Variants in PTGER3 observed in about 807,000 individuals in gnomAD.
PTGER3 encodes prostaglandin E receptor 3, also known as prostaglandin E2 receptor EP3 subtype.
A neutral mutation model predicts 34.7 loss-of-function variants in PTGER3; 22 were observed. The ratio of observed to expected loss-of-function variants is 0.63; its 90% CI spans 0.45 to 0.91. PTGER3 has a LOEUF of 0.91. PTGER3 is among the 40% of genes least tolerant of loss of function. The pLI, the probability that PTGER3 is intolerant of heterozygous loss-of-function variation, is 0.00. For missense variants in PTGER3, 468 were observed against 519.4 expected (o/e 0.90, Z 0.96); for synonymous variants, 241 against 230.1 (o/e 1.05, Z -0.43).
chr1:70,944,835 G>A (rs183988175), intron 4 of PTGER3, among the ~76,000 whole-genome samples: 173 of 152,198 alleles, frequency 1.1e-3, no homozygotes, highest in Non-Finnish European at 2.1e-3. Context: ...ATTTTCATCA[G>A]AGAAATTAGG....
At chr1:70,976,976 C>T (rs1653768141) in intron 2 of PTGER3, among the ~76,000 whole-genome samples, 1 of 152,146 alleles carries the variant, frequency 6.6e-6, no homozygotes, top group Non-Finnish European at 1.5e-5. Flanking sequence ...GATATCCAAT[C>T]TGCCAGCAAA....
intron 2 of PTGER3, among the ~76,000 whole-genome samples, chr1:70,983,416 G>T (rs1307808150): frequency 6.6e-6 from 1 of 152,036 alleles, no homozygotes. Flanking sequence ...CCTTGTTTCT[G>T]CTCTATGCCC....
At chr1:70,943,939 C>G (rs540955525) in intron 4 of PTGER3, among the ~76,000 whole-genome samples, 1 of 151,470 alleles carries the variant, frequency 6.6e-6, no homozygotes, top group East Asian at 1.9e-4. Context: ...TATGGCACTC[C>G]TTGCTCTTGG....
chr1:70,887,665 A>C (rs533215106), intron 4 of PTGER3, among the ~76,000 whole-genome samples: 1 of 152,164 alleles, frequency 6.6e-6, no homozygotes, highest in African/African-American at 2.4e-5. Context: ...TCTGTATATA[A>C]ATTTCAAATT....
intron 1 of PTGER3, among the ~76,000 whole-genome samples, chr1:71,027,994 T>C (rs1659084506): frequency 6.6e-6 from 1 of 152,196 alleles, no homozygotes; most frequent in Admixed American, 6.5e-5. Flanking sequence ...AGTGCTTTAT[T>C]CTTTTTGAGG....
At position 70,864,197 on chromosome 1, in the gene PTGER3, T is replaced by A. The variant is rs79058196; in HGVS notation, c.*24-11338A>T. Among the ~76,000 whole-genome samples, 497 of 152,242 alleles carry A rather than the reference T, an allele frequency of 3.3e-3. 16 individuals carry two copies. The East Asian group carries it at 0.077, about 24-fold the overall frequency. ...TAGCTATTTACTTCTAGTTTTTTTT[T>A]ATATTAGTCAAATTTTTTATCTAAG... On this transcript the variant is annotated intron_variant, in intron 4 of 4. Transcript: ENST00000370931.
intron 4 of PTGER3, among the ~76,000 whole-genome samples, chr1:70,866,698 C>T (rs1237158431): frequency 5.9e-5 from 9 of 152,164 alleles, no homozygotes; most frequent in Admixed American, 3.9e-4. Flanking sequence ...GATTTCTGGC[C>T]ATCAAACAGG....
At chr1:71,031,037 C>T (rs1659365888) in intron 1 of PTGER3, among the ~76,000 whole-genome samples, 1 of 152,068 alleles carries the variant, frequency 6.6e-6, no homozygotes, top group Non-Finnish European at 1.5e-5. Flanking sequence ...TTATTTGCAA[C>T]TGAAACATGG....
chr1:70,984,950 A>G (rs866393219), intron 2 of PTGER3, among the ~76,000 whole-genome samples: 2 of 152,174 alleles, frequency 1.3e-5, no homozygotes, highest in East Asian at 1.9e-4. Context: ...TGAATTGGTG[A>G]TAATATTGTC....
intron 4 of PTGER3, among the ~76,000 whole-genome samples, chr1:70,920,643 A>G (rs1647434434): frequency 6.6e-6 from 1 of 152,188 alleles, no homozygotes; most frequent in Non-Finnish European, 1.5e-5. Flanking sequence ...AAAGCTGGAG[A>G]TTGAGATTAT....
rs74686636 is a variant in PTGER3 at position 71,010,022 on chromosome 1, C to T, written c.1077+2283G>A. Reference sequence around the variant, plus strand: ...CCATTTACATAATTTCTTTGTTTTCCACCTCCCTTTCAAGCTTGTTAAAAA... The same window carrying T: ...CCATTTACATAATTTCTTTGTTTTCTACCTCCCTTTCAAGCTTGTTAAAAA... On this transcript the variant is annotated intron_variant, in intron 2 of 3. Transcript: ENST00000306666. The T allele has an allele frequency of 7.4e-4, 726 of 984,758 alleles. 4 individuals are homozygous for T. The African/African-American group carries it at 0.012, about 16-fold the overall frequency. The allele number at this position is 984,758 out of a possible 1,614,324, so 61.0% of individuals were successfully genotyped here. A position where few individuals can be genotyped will look rare whatever the true frequency, so the allele number is the denominator to read the frequency against.
intron 4 of PTGER3, among the ~76,000 whole-genome samples, chr1:70,913,441 A>G (rs921531484): frequency 6.6e-6 from 1 of 151,888 alleles, no homozygotes; most frequent in African/African-American, 2.4e-5. Flanking sequence ...GTCTGTGAAT[A>G]GAAAGTTCGT....
intron 4 of PTGER3, among the ~76,000 whole-genome samples, chr1:70,933,803 G>T (rs1648952805): frequency 6.6e-6 from 1 of 152,122 alleles, no homozygotes; most frequent in Non-Finnish European, 1.5e-5. Context: ...AATGACTTTG[G>T]AAGGGGTAAT....
intron 4 of PTGER3, among the ~76,000 whole-genome samples, chr1:70,902,409 G>A (rs1291398964): frequency 4.6e-5 from 7 of 152,174 alleles, no homozygotes; most frequent in African/African-American, 1.2e-4. Flanking sequence ...TAGGCAGTAG[G>A]TGGTATAAAG....
chr1:71,047,492 C>A lies in PTGER3; in HGVS notation c.86G>T (p.Arg29Leu). The change falls in exon 1 of 4, where the codon CGT (arginine) becomes CTT (leucine). Residue 29 changes from arginine to leucine, a missense_variant. By Grantham distance (102) the Arg-to-Leu change is moderately radical. Around this residue, in one of 5 missense-constraint regions of PTGER3, gnomAD observed 151 missense variants for 133.5 expected, o/e 1.13. Coordinates refer to ENST00000306666, the MANE Select transcript of PTGER3 (RefSeq NM_198719.2). ...HSYTGMWAPE[R>L]SAEARGNLTR... is the part of the protein sequence containing the mutation. ...GAGGTTGCCCCGCGCCTCGGCGGAA[C>A]GCTCGGGCGCCCACATGCCTGTGTA... The A allele has an allele frequency of 6.2e-7, 1 of 1,605,478 alleles. No individual in the cohort carries two copies. The highest frequency in any genetic ancestry group is 1.7e-5 in the Admixed American group (1 of 58,598).
chr1:70,866,580 T>C (rs1257047210), intron 4 of PTGER3, among the ~76,000 whole-genome samples: 1 of 152,194 alleles, frequency 6.6e-6, no homozygotes, highest in African/African-American at 2.4e-5. Context: ...CTATGAGCTT[T>C]TCGATTGAAA....
chr1:71,033,743 C>A (rs554166321), intron 1 of PTGER3, among the ~76,000 whole-genome samples: 1 of 152,046 alleles, frequency 6.6e-6, no homozygotes, highest in African/African-American at 2.4e-5. Context: ...TCCAGGAAAT[C>A]GTCTTAAAGA....
At chr1:70,931,348 G>A (rs1648674346) in intron 4 of PTGER3, among the ~76,000 whole-genome samples, 1 of 152,168 alleles carries the variant, frequency 6.6e-6, no homozygotes, top group Non-Finnish European at 1.5e-5. Context: ...AGCTGTCAGT[G>A]GCTTTACCAT....
At chr1:70,877,307 TC>T (rs1646293427) in intron 4 of PTGER3, among the ~76,000 whole-genome samples, 1 of 152,228 alleles carries the variant, frequency 6.6e-6, no homozygotes, top group South Asian at 2.1e-4. Flanking sequence ...TGACTTTGTA[TC>T]CTGAAACTTT....
Sources: gnomAD v4.1 joint callset for allele counts (sites outside exome capture counted in the v4.1 genomes callset) on GRCh38, gnomAD v4.1.1 for gene constraint, gnomAD v4.1.1 regional missense constraint, MANE v1.5 for transcripts, NCBI Gene and HGNC (gene_info 2026-07-23, HGNC 2026-07-21) for gene names.